The following FGD5 variants were observed in gnomAD, a reference collection of about 807,000 sequenced individuals.
The protein encoded by FGD5 is FYVE, RhoGEF and PH domain-containing protein 5.
Under a neutral mutation model 133.4 loss-of-function variants are expected in FGD5, and 28 were observed. The observed-to-expected ratio is 0.21, with a 90% CI of 0.16 to 0.29. The LOEUF (loss-of-function observed/expected upper bound fraction) is 0.29. Ranked by LOEUF, FGD5 falls within the 10% of genes least tolerant of loss-of-function variation. The probability of loss-of-function intolerance (pLI) is 1.00; values close to 1 mark genes in which losing one functional copy is unlikely to be tolerated. For missense variants in FGD5, 1,858 were observed against 1,895.2 expected (o/e 0.98, Z 0.36); for synonymous variants, 810 against 776.5 (o/e 1.04, Z -0.72).
chr3:14,874,089 GAAT>G (rs113459364), intron 2 of FGD5, among the ~76,000 whole-genome samples: 21,815 of 152,078 alleles, frequency 0.14, 1,874 homozygotes, highest in East Asian at 0.39. Context: ...GTATACAATG[GAAT>G]ATTATTCAGC....
At chr3:14,843,866 G>T (rs1480955509) in intron 1 of FGD5, among the ~76,000 whole-genome samples, 1 of 151,450 alleles carries the variant, frequency 6.6e-6, no homozygotes, top group Non-Finnish European at 1.5e-5. Flanking sequence ...ACTAATTTTT[G>T]TATTTTTTAG....
At chr3:14,868,743 T>C (rs2037547459) in intron 2 of FGD5, among the ~76,000 whole-genome samples, 1 of 152,236 alleles carries the variant, frequency 6.6e-6, no homozygotes, top group Non-Finnish European at 1.5e-5. Context: ...TGTCTGTATC[T>C]TCACTCAGTT....
At chr3:14,924,449 G>A (rs1440846595) in intron 17 of FGD5, among the ~76,000 whole-genome samples, 7 of 152,092 alleles carry the variant, frequency 4.6e-5, no homozygotes, top group Non-Finnish European at 8.8e-5. Context: ...TTCTAAAGGA[G>A]CCAAATTCCT....
intron 1 of FGD5, among the ~76,000 whole-genome samples, chr3:14,836,911 A>G (rs1224923273): frequency 6.6e-6 from 1 of 152,250 alleles, no homozygotes; most frequent in Non-Finnish European, 1.5e-5. Context: ...AAGGGCGAGT[A>G]AGAATTTGCG....
chr3:14,885,820 G>C (rs561608428), intron 4 of FGD5, among the ~76,000 whole-genome samples: 11 of 152,296 alleles, frequency 7.2e-5, no homozygotes, highest in Middle Eastern at 3.4e-3. Flanking sequence ...AGGTTCAATG[G>C]GAGGGGACAT....
Position 14,922,008 on chromosome 3 carries a change from T to C in FGD5, c.3660T>C (p.His1220=), listed in dbSNP as rs201992028. 42 of 1,559,820 alleles carry C rather than the reference T, an allele frequency of 2.7e-5. No individual in the cohort carries two copies. The Middle Eastern group carries it at 1.0e-3, about 37-fold the overall frequency. The stretch of plus-strand genomic sequence containing the variant: ...CCCAGGCGCTGGCTGCATTCCACCA[T>C]AGCGTGGAGGTGAGTGGGTGGGCAG... ...YKAQALAAFH[H]SVEIRERLGV... The change falls in exon 14 of 20, where the codon CAT becomes CAC. Residue 1220 remains histidine, a synonymous_variant. Transcript: ENST00000285046. The surrounding 1 kb of genome is among the most constrained non-coding windows in gnomAD (Gnocchi z 4.1).
At chr3:14,926,948 C>T (rs762720252) in intron 18 of FGD5, among the ~76,000 whole-genome samples, 3 of 152,182 alleles carry the variant, frequency 2.0e-5, no homozygotes, top group African/African-American at 4.8e-5. Flanking sequence ...TGGCTCTTCT[C>T]CCCTGGCCAC....
At chr3:14,851,692 C>G (rs770661552) in intron 1 of FGD5, among the ~76,000 whole-genome samples, 1 of 152,158 alleles carries the variant, frequency 6.6e-6, no homozygotes, top group African/African-American at 2.4e-5. Context: ...TATGAGGTTC[C>G]TGAAGATCTT....
intron 19 of FGD5, 144 bp from the exon 20 acceptor site, chr3:14,932,987 C>T: frequency 1.9e-6 from 2 of 1,080,226 alleles, no homozygotes; most frequent in South Asian, 1.4e-5. Context: ...ATATAGAAAA[C>T]ATGTTTGAGA....
chr3:14,836,864 A>G (rs1436166127), intron 1 of FGD5, among the ~76,000 whole-genome samples: 1 of 152,244 alleles, frequency 6.6e-6, no homozygotes, highest in African/African-American at 2.4e-5. Flanking sequence ...TCCCTGAGGC[A>G]CTCGCAGGGT....
At chr3:14,895,408 C>T (rs2038116953) in intron 4 of FGD5, among the ~76,000 whole-genome samples, 1 of 152,152 alleles carries the variant, frequency 6.6e-6, no homozygotes, top group African/African-American at 2.4e-5. Context: ...GGTCTAGTGT[C>T]ATTCTTCTGC....
intron 10 of FGD5, among the ~76,000 whole-genome samples, chr3:14,909,740 A>ACTTTTCTTTTCTTTT (rs776241520): frequency 6.7e-6 from 1 of 150,330 alleles, no homozygotes; most frequent in African/African-American, 2.4e-5. Flanking sequence ...GTGATAATGC[A>ACTTTTCTTTTCTTTT]CTTTTCTTTT....
At chr3:14,845,466 CA>C (rs1324113963) in intron 1 of FGD5, among the ~76,000 whole-genome samples, 1 of 152,202 alleles carries the variant, frequency 6.6e-6, no homozygotes, top group African/African-American at 2.4e-5. Flanking sequence ...GCTCCTGCTG[CA>C]AGGCTGTTGC....
intron 2 of FGD5, among the ~76,000 whole-genome samples, chr3:14,873,827 T>C (rs2037663293): frequency 2.0e-5 from 3 of 152,030 alleles, no homozygotes; most frequent in Admixed American, 6.6e-5. Context: ...GTTCAAGATA[T>C]TCTCCTGCCT....
chr3:14,862,594 A>C (rs964380977), intron 1 of FGD5, among the ~76,000 whole-genome samples: 1 of 152,212 alleles, frequency 6.6e-6, no homozygotes, highest in Non-Finnish European at 1.5e-5. Flanking sequence ...CCTTGGTAGT[A>C]GGTATATGGC....
intron 4 of FGD5, among the ~76,000 whole-genome samples, chr3:14,887,212 G>C (rs1209217813): frequency 1.3e-5 from 2 of 152,164 alleles, no homozygotes; most frequent in East Asian, 3.9e-4. Context: ...CTTGTTTGCT[G>C]TCTGCCTTCA....
chr3:14,853,665 T>A (rs2037212762), intron 1 of FGD5, among the ~76,000 whole-genome samples: 1 of 133,742 alleles, frequency 7.5e-6, no homozygotes, highest in Admixed American at 7.8e-5. Flanking sequence ...TTTTTTTTTT[T>A]TTACGAGTTA....
chr3:14,826,589 A>G (rs2036603558), intron 1 of FGD5, among the ~76,000 whole-genome samples: 1 of 152,214 alleles, frequency 6.6e-6, no homozygotes, highest in Non-Finnish European at 1.5e-5. Flanking sequence ...AATGTCATTA[A>G]GACTACAGGA....
At chr3:14,838,252 CTCTT>C (rs58855911) in intron 1 of FGD5, among the ~76,000 whole-genome samples, 12,157 of 152,220 alleles carry the variant, frequency 0.08, 730 homozygotes, top group East Asian at 0.3. Flanking sequence ...TGTGAGTTGA[CTCTT>C]TCTCGTGCTC....
Sources: gnomAD v4.1 joint callset for allele counts (sites outside exome capture counted in the v4.1 genomes callset) on GRCh38, gnomAD v4.1.1 for gene constraint, Gnocchi (gnomAD v3.1) non-coding constraint, MANE v1.5 for transcripts, NCBI Gene and HGNC (gene_info 2026-07-23, HGNC 2026-07-21) for gene names.